The following COP1 variants were observed in gnomAD, a reference collection of about 807,000 sequenced individuals.
COP1 encodes the protein COP1 E3 ubiquitin ligase.
In COP1, 24 loss-of-function variants were observed where a neutral mutation model predicts 101.3. That is an observed-to-expected ratio of 0.24 (90% CI 0.17 to 0.33). COP1 has a LOEUF of 0.33. Among genes scored for constraint, COP1 ranks in the 10% least tolerant of loss-of-function variants. The pLI, the probability that COP1 is intolerant of heterozygous loss-of-function variation, is 1.00. For missense variants in COP1, 663 were observed against 906.2 expected, an observed-to-expected ratio of 0.73 and a Z score of 3.45; for synonymous variants, 347 against 341.9, an observed-to-expected ratio of 1.01 and a Z score of -0.17.
intron 8 of COP1, among the ~76,000 whole-genome samples, chr1:176,123,683 G>C (rs1191187635): frequency 6.6e-6 from 1 of 152,148 alleles, no homozygotes; most frequent in Admixed American, 6.5e-5. Context: ...ACAGAAGAAT[G>C]TGTAACTTTA....
chr1:176,158,386 G>A (rs139032433), intron 5 of COP1, among the ~76,000 whole-genome samples: 312 of 152,096 alleles, frequency 2.1e-3, no homozygotes, highest in African/African-American at 7.3e-3. Flanking sequence ...CTAAAGAAAT[G>A]GTAAATGATG....
intron 14 of COP1, among the ~76,000 whole-genome samples, chr1:176,034,118 A>G (rs1557967553): frequency 6.6e-6 from 1 of 152,220 alleles, no homozygotes; most frequent in Non-Finnish European, 1.5e-5. Flanking sequence ...GGAAACTGAA[A>G]AAGTAAACAA....
At chr1:176,123,534 C>G (rs1273215596) in intron 8 of COP1, among the ~76,000 whole-genome samples, 1 of 152,038 alleles carries the variant, frequency 6.6e-6, no homozygotes, top group Non-Finnish European at 1.5e-5. Flanking sequence ...ACATAAGGCT[C>G]TAATCACAGC....
At chr1:176,141,045 T>C (rs1690596887) in intron 6 of COP1, among the ~76,000 whole-genome samples, 1 of 152,328 alleles carries the variant, frequency 6.6e-6, no homozygotes, top group Admixed American at 6.5e-5. Context: ...GTAGGTATCA[T>C]TGGTACTCAA....
At position 176,085,192 on chromosome 1, in the gene COP1, T is replaced by A. The variant is rs192141915; in HGVS notation, c.1141+584A>T. On this transcript the variant is annotated intron_variant, in intron 10 of 19. Transcript: ENST00000367669. ...TTAATTCATACTCGAATAGCCCATA[T>A]ACAACTCCTCTGAAATCCCTACACT... 1.7e-3 allele frequency among the ~76,000 whole-genome samples: 257 copies of A among 152,262 alleles called. 1 individual carries two copies. The highest frequency in any genetic ancestry group is 5.9e-3 in the African/African-American group (246 of 41,568).
chr1:176,000,441 T>C (rs539312964), intron 15 of COP1, among the ~76,000 whole-genome samples: 5 of 152,168 alleles, frequency 3.3e-5, no homozygotes, highest in African/African-American at 7.2e-5. Flanking sequence ...ACTGGGAGCA[T>C]AGAATTGTTT....
intron 6 of COP1, among the ~76,000 whole-genome samples, chr1:176,142,578 GC>G (rs1349034883): frequency 6.6e-6 from 1 of 152,058 alleles, no homozygotes; most frequent in African/African-American, 2.4e-5. Flanking sequence ...AATGAATCAT[GC>G]AACTGCAGAA....
At chr1:176,186,190 T>C (rs1467750611) in intron 1 of COP1, among the ~76,000 whole-genome samples, 1 of 151,906 alleles carries the variant, frequency 6.6e-6, no homozygotes, top group African/African-American at 2.4e-5. Flanking sequence ...TAGAAAACAA[T>C]ACATACCTAA....
At chr1:175,947,429 G>A in intron 18 of COP1, 190 bp from the exon 19 acceptor site, 1 of 485,136 alleles carries the variant, frequency 2.1e-6, no homozygotes, top group East Asian at 3.7e-5. Flanking sequence ...GGAGTGCAAT[G>A]GCGCGATCTT....
At chr1:176,059,739 C>T (rs1406791970) in intron 11 of COP1, among the ~76,000 whole-genome samples, 1 of 152,088 alleles carries the variant, frequency 6.6e-6, no homozygotes, top group Non-Finnish European at 1.5e-5. Context: ...CCTCAGCCTC[C>T]CAAAGTGCTA....
At chr1:176,076,067 A>G (rs1261559685) in intron 11 of COP1, among the ~76,000 whole-genome samples, 2 of 151,732 alleles carry the variant, frequency 1.3e-5, no homozygotes, top group East Asian at 3.9e-4. Flanking sequence ...TAGACAGATC[A>G]TGGAGGCAGA....
At chr1:175,972,855 G>A (rs575884593) in intron 18 of COP1, among the ~76,000 whole-genome samples, 84 of 152,082 alleles carry the variant, frequency 5.5e-4, no homozygotes, top group African/African-American at 1.9e-3. Context: ...TTTTTGAGAC[G>A]GAGTTTCGCT....
At chr1:176,188,871 A>C (rs1038011473) in intron 1 of COP1, among the ~76,000 whole-genome samples, 22 of 151,998 alleles carry the variant, frequency 1.4e-4, no homozygotes, top group Non-Finnish European at 1.5e-5. Context: ...ACAGAGAACA[A>C]AGCATCCCAG....
intron 1 of COP1, among the ~76,000 whole-genome samples, chr1:176,189,994 T>G (rs909641775): frequency 6.6e-6 from 1 of 151,570 alleles, no homozygotes; most frequent in Non-Finnish European, 1.5e-5. Context: ...CAAGAGTAAA[T>G]AAGCATAATG....
intron 9 of COP1, among the ~76,000 whole-genome samples, chr1:176,093,619 C>A (rs1039204940): frequency 6.6e-6 from 1 of 152,182 alleles, no homozygotes; most frequent in South Asian, 2.1e-4. Context: ...GTGGGCAGAT[C>A]ACGAGGTCAG....
intron 18 of COP1, among the ~76,000 whole-genome samples, chr1:175,983,126 C>T (rs1294530448): frequency 9.5e-6 from 1 of 104,890 alleles, no homozygotes; most frequent in Non-Finnish European, 2.2e-5. Context: ...GAAAATACCA[C>T]ATTGTACCCC....
intron 9 of COP1, among the ~76,000 whole-genome samples, chr1:176,089,029 G>A (rs896579392): frequency 4.6e-5 from 7 of 150,568 alleles, no homozygotes; most frequent in South Asian, 2.1e-4. Context: ...TAGGCCGGGC[G>A]TGGTGGCTCA....
At chr1:176,158,218 C>A (rs1416363565) in intron 5 of COP1, among the ~76,000 whole-genome samples, 2 of 152,180 alleles carry the variant, frequency 1.3e-5, no homozygotes, top group Non-Finnish European at 2.9e-5. Context: ...TGACAGCAGA[C>A]TTTTCATCTG....
intron 8 of COP1, among the ~76,000 whole-genome samples, chr1:176,124,382 T>TA (rs1200293176): frequency 3.3e-5 from 5 of 151,078 alleles, no homozygotes; most frequent in South Asian, 2.1e-4. Flanking sequence ...TTTTTTTTTT[T>TA]ATCCATTAAA....
Sources: gnomAD v4.1 joint callset for allele counts (sites outside exome capture counted in the v4.1 genomes callset) on GRCh38, gnomAD v4.1.1 for gene constraint, MANE v1.5 for transcripts, NCBI Gene and HGNC (gene_info 2026-07-23, HGNC 2026-07-21) for gene names.